Variants in CREB3L2 observed in about 807,000 individuals in gnomAD.
CREB3L2 encodes the protein cyclic AMP-responsive element-binding protein 3-like protein 2.
In CREB3L2, 23 loss-of-function variants were observed where a neutral mutation model predicts 57.2. The observed-to-expected ratio is 0.40, with a 90% confidence interval of 0.29 to 0.57. The LOEUF (loss-of-function observed/expected upper bound fraction) is 0.57, where lower values mean the gene tolerates loss of function less well. Ranked by LOEUF, CREB3L2 falls within the 20% of genes least tolerant of loss-of-function variation. The pLI, the probability that CREB3L2 is intolerant of heterozygous loss-of-function variation, is 0.42. For synonymous variants in CREB3L2, 268 were observed against 265.1 expected (o/e 1.01, Z -0.11); for missense variants, 628 against 634.7 (o/e 0.99, Z 0.11).
intron 1 of CREB3L2, chr7:137,953,483 G>T: frequency 3.1e-6 from 4 of 1,289,080 alleles, no homozygotes; most frequent in Non-Finnish European, 4.0e-6. Context: ...TCTTTAAAAA[G>T]CGTCAACCAT....
chr7:137,981,456 T>G (rs1801709709), intron 1 of CREB3L2, among the ~76,000 whole-genome samples: 1 of 152,150 alleles, frequency 6.6e-6, no homozygotes, highest in African/African-American at 2.4e-5. Flanking sequence ...AACATGGGTG[T>G]AGAGAAGGAT....
intron 1 of CREB3L2, among the ~76,000 whole-genome samples, chr7:137,951,747 T>A (rs1206054199): frequency 6.6e-6 from 1 of 151,898 alleles, no homozygotes; most frequent in East Asian, 1.9e-4. Flanking sequence ...CTCTGGGAGG[T>A]GAGGCAGAAG....
chr7:137,886,725 G>GAA (rs112746477), intron 8 of CREB3L2, among the ~76,000 whole-genome samples: 3,661 of 143,374 alleles, frequency 0.026, 158 homozygotes, highest in African/African-American at 0.088. Context: ...AGCAAGAGCA[G>GAA]AAAAAAAAAA....
At chr7:138,000,732 C>G (rs1174964098) in intron 1 of CREB3L2, among the ~76,000 whole-genome samples, 2 of 150,172 alleles carry the variant, frequency 1.3e-5, no homozygotes, top group Non-Finnish European at 3.0e-5. Context: ...AAGAATCAAA[C>G]AAAGAGATCT....
chr7:137,895,997 CACACTGCCCAA>C (rs1799621303), intron 8 of CREB3L2, among the ~76,000 whole-genome samples: 2 of 152,200 alleles, frequency 1.3e-5, no homozygotes, highest in African/African-American at 4.8e-5. Flanking sequence ...CCCAGCCCTG[CACACTGCCCAA>C]ACACTGGTCA....
chr7:137,952,160 C>T (rs987088755), intron 1 of CREB3L2, among the ~76,000 whole-genome samples: 2 of 152,182 alleles, frequency 1.3e-5, no homozygotes, highest in East Asian at 1.9e-4. Flanking sequence ...ATCCACAAGT[C>T]CTTATTGTCA....
chr7:137,943,684 T>C (rs1800914834), intron 1 of CREB3L2, among the ~76,000 whole-genome samples: 1 of 152,144 alleles, frequency 6.6e-6, no homozygotes, highest in South Asian at 2.1e-4. Context: ...CTATTCCTCA[T>C]AAGAAACTAA....
intron 7 of CREB3L2, among the ~76,000 whole-genome samples, 196 bp from the exon 8 acceptor site, chr7:137,901,618 C>T (rs1387848277): frequency 2.1e-4 from 31 of 151,094 alleles, no homozygotes; most frequent in Non-Finnish European, 3.8e-4. Flanking sequence ...CGGTGGCTCA[C>T]GCCTGTAATC....
chr7:137,904,031 G>C lies in CREB3L2; in HGVS notation c.916-14C>G. On this transcript the variant is annotated splice_polypyrimidine_tract_variant and intron_variant, in intron 6 of 11. Coordinates refer to ENST00000330387, the MANE Select transcript of CREB3L2 (RefSeq NM_194071.4). ...CTGAGCAGAAATCTGAGAGAGAGGA[G>C]TGGGAGGAGAATGATTAATTTCCAG... The C allele has an allele frequency of 6.2e-7, 1 of 1,604,322 alleles. No homozygotes were observed. Among genetic ancestry groups the C allele is most frequent in the Non-Finnish European group, 8.5e-7 (1 of 1,171,016 alleles).
intron 3 of CREB3L2, among the ~76,000 whole-genome samples, chr7:137,915,002 T>C (rs7792041): frequency 0.075 from 11,465 of 152,204 alleles, 1,307 homozygotes; most frequent in African/African-American, 0.25. Context: ...GCTGGGATTA[T>C]AGGCATGAGC....
At chr7:137,950,124 C>A (rs1209162001) in intron 1 of CREB3L2, among the ~76,000 whole-genome samples, 1 of 151,702 alleles carries the variant, frequency 6.6e-6, no homozygotes, top group Non-Finnish European at 1.5e-5. Flanking sequence ...ACTAGGAAAT[C>A]AAAATCAGTT....
Position 137,908,358 on chromosome 7 carries a change from T to G in CREB3L2, c.662A>C (p.Asn221Thr). 1 of 1,260,210 alleles carries G rather than the reference T, an allele frequency of 7.9e-7. No individual in the cohort carries two copies. The highest frequency in any genetic ancestry group is 1.0e-6 in the Non-Finnish European group (1 of 994,180). The allele number at this position is 1,260,210 out of a possible 1,614,324, so 78.1% of individuals were successfully genotyped here. Residue 221 changes from asparagine to threonine, a missense_variant, in exon 5 of 12, where the codon AAC (asparagine) becomes ACC (threonine). Around this residue, in one of 3 missense-constraint regions of CREB3L2, gnomAD observed 339 missense variants for 355.4 expected, o/e 0.95. Transcript: ENST00000330387. The stretch of plus-strand genomic sequence containing the variant: ...CAGGCTGAAGGGGTGCAGGCGTGGG[T>G]TGGGACTCAGGCTGCCCTCTGAGTC... ...GSDSEGSLSPNPRLHPFSLPQ... is the reference protein window; with the variant it reads ...GSDSEGSLSPTPRLHPFSLPQ...
chr7:137,904,806 T>C (rs1799846948), intron 6 of CREB3L2, among the ~76,000 whole-genome samples: 1 of 140,316 alleles, frequency 7.1e-6, no homozygotes, highest in East Asian at 2.1e-4. Flanking sequence ...GCCACTACAC[T>C]CCAGCCTGGG....
At chr7:137,897,075 G>A (rs1194914453) in intron 8 of CREB3L2, among the ~76,000 whole-genome samples, 10 of 152,086 alleles carry the variant, frequency 6.6e-5, no homozygotes, top group Non-Finnish European at 1.3e-4. Flanking sequence ...TATACTAGAA[G>A]TGTGCTAAGC....
In CREB3L2 at chr7:137,879,877, A is replaced by T. The variant is rs181204007; in HGVS notation, c.*599T>A. On this transcript the variant is annotated 3_prime_UTR_variant, in exon 12 of 12. Transcript: ENST00000330387. ...GTAGAAAAGCCTGATCCCCTCAGGCATTGCACTTGCGGCCTGAGAATATGA... is the reference window on the plus strand; with the variant it reads ...GTAGAAAAGCCTGATCCCCTCAGGCTTTGCACTTGCGGCCTGAGAATATGA... 1.3e-5 allele frequency: 3 copies of T among 235,930 alleles called. No homozygotes were observed. Among genetic ancestry groups the T allele is most frequent in the Admixed American group, 1.1e-4 (2 of 18,316 alleles). 14.6% of individuals were successfully genotyped at this position (235,930 alleles called of 1,614,324 possible).
At chr7:137,913,506 C>CA (rs33940093) in intron 3 of CREB3L2, among the ~76,000 whole-genome samples, 144 of 108,606 alleles carry the variant, frequency 1.3e-3, no homozygotes, top group South Asian at 2.3e-3. Flanking sequence ...GACCCTATCT[C>CA]AAAAAAAAAA....
At chr7:137,960,327 T>C (rs1801297073) in intron 1 of CREB3L2, among the ~76,000 whole-genome samples, 1 of 152,188 alleles carries the variant, frequency 6.6e-6, no homozygotes, top group Admixed American at 6.5e-5. Context: ...ACATAGACTT[T>C]CCATAAGAAT....
rs66493086 is a variant in CREB3L2 at position 137,960,809 on chromosome 7, CTTTTT to C, written c.103-32448_103-32444del. On this transcript the variant is annotated intron_variant, in intron 1 of 11. Transcript: ENST00000330387. Reference sequence around the variant, plus strand: ...TTTTAAACTTAAAACTAAATTATTTCTTTTTTTTTTTTTTTTTTTTTGAGACAGAG... The same window carrying C: ...TTTTAAACTTAAAACTAAATTATTTCTTTTTTTTTTTTTTTTGAGACAGAG... 2.6e-4 allele frequency among the ~76,000 whole-genome samples: 25 copies of C among 95,572 alleles called. 1 individual carries two copies. The highest frequency in any genetic ancestry group is 4.3e-4 in the Non-Finnish European group (23 of 53,476). 62.7% of individuals were successfully genotyped at this position (95,572 alleles called of 152,430 possible). A position where few individuals can be genotyped will look rare whatever the true frequency, so the allele number is the denominator to read the frequency against.
chr7:137,972,666 G>A, intron 1 of CREB3L2, among the ~76,000 whole-genome samples: 1 of 93,984 alleles, frequency 1.1e-5, no homozygotes, highest in Admixed American at 1.4e-4. Flanking sequence ...GAGCAACACA[G>A]TGAGATCCCC....
Sources: gnomAD v4.1 joint callset for allele counts (sites outside exome capture counted in the v4.1 genomes callset) on GRCh38, gnomAD v4.1.1 for gene constraint, gnomAD v4.1.1 regional missense constraint, MANE v1.5 for transcripts, NCBI Gene and HGNC (gene_info 2026-07-23, HGNC 2026-07-21) for gene names.